DENND1A: variants seen among roughly 807,000 people sequenced by gnomAD.
DENND1A encodes the protein DENN domain-containing protein 1A.
In DENND1A, 51 loss-of-function variants were observed where a neutral mutation model predicts 113.7. That is an observed-to-expected ratio of 0.45 (90% CI 0.36 to 0.57). DENND1A has a LOEUF of 0.57. Ranked by LOEUF, DENND1A falls within the 20% of genes least tolerant of loss-of-function variation. DENND1A has a pLI of 0.00. For missense variants in DENND1A, 1,258 were observed against 1,395.9 expected (o/e 0.90, Z 1.57); for synonymous variants, 565 against 570.8 (o/e 0.99, Z 0.14).
chr9:123,396,210 G>A (rs183012342), intron 21 of DENND1A, among the ~76,000 whole-genome samples: 78 of 152,316 alleles, frequency 5.1e-4, no homozygotes, highest in African/African-American at 1.5e-3. Flanking sequence ...CCCCAGCCAC[G>A]CTCCTGGAGA....
chr9:123,842,470 A>G (rs1263249043), intron 2 of DENND1A, among the ~76,000 whole-genome samples: 4 of 149,538 alleles, frequency 2.7e-5, no homozygotes, highest in Non-Finnish European at 4.5e-5. Flanking sequence ...GGTTTAGCAG[A>G]AAAAAAAAAG....
intron 2 of DENND1A, among the ~76,000 whole-genome samples, chr9:123,872,450 GGAGA>G (rs371153145): frequency 6.6e-6 from 1 of 152,082 alleles, no homozygotes; most frequent in Non-Finnish European, 1.5e-5. Flanking sequence ...ATGAATAATT[GGAGA>G]GAGTGAGGAA....
At chr9:123,514,698 T>A (rs540362016) in intron 13 of DENND1A, among the ~76,000 whole-genome samples, 2 of 152,346 alleles carry the variant, frequency 1.3e-5, no homozygotes, top group East Asian at 3.9e-4. Context: ...ACCATTGGTG[T>A]GAACCCACGG....
chr9:123,899,954 G>A (rs1272487576), intron 1 of DENND1A, among the ~76,000 whole-genome samples: 2 of 152,204 alleles, frequency 1.3e-5, no homozygotes. Context: ...ATCACTGTAA[G>A]AATAACTGAC....
chr9:123,794,195 G>A (rs990486651), intron 2 of DENND1A, among the ~76,000 whole-genome samples: 7 of 152,146 alleles, frequency 4.6e-5, no homozygotes, highest in South Asian at 4.1e-4. Context: ...CTAGGCTGGC[G>A]GAGAAGAATT....
intron 2 of DENND1A, among the ~76,000 whole-genome samples, chr9:123,847,156 T>TA (rs1360784127): frequency 6.6e-6 from 1 of 152,162 alleles, no homozygotes; most frequent in South Asian, 2.1e-4. Context: ...ATGGATGGTT[T>TA]TAAAAGCAAT....
At chr9:123,396,294 C>T (rs2043135452) in intron 21 of DENND1A, among the ~76,000 whole-genome samples, 1 of 152,208 alleles carries the variant, frequency 6.6e-6, no homozygotes, top group Non-Finnish European at 1.5e-5. Flanking sequence ...GCCTGGTGGG[C>T]CAGGAGGCTG....
chr9:123,784,997 C>T (rs772688398), intron 3 of DENND1A, among the ~76,000 whole-genome samples: 1 of 152,098 alleles, frequency 6.6e-6, no homozygotes, highest in Non-Finnish European at 1.5e-5. Context: ...ATTCACCCTT[C>T]TCTGGAAATG....
At chr9:123,893,534 C>A (rs1850245444) in intron 1 of DENND1A, among the ~76,000 whole-genome samples, 1 of 152,096 alleles carries the variant, frequency 6.6e-6, no homozygotes, top group African/African-American at 2.4e-5. Flanking sequence ...GTTAATCTTA[C>A]CATCAGGCCT....
chr9:123,919,490 T>A (rs1855825258), intron 1 of DENND1A, among the ~76,000 whole-genome samples: 1 of 151,430 alleles, frequency 6.6e-6, no homozygotes. Context: ...AAATTAAAAA[T>A]TAAATTTTTT....
At chr9:123,776,258 G>C (rs1830454063) in intron 3 of DENND1A, among the ~76,000 whole-genome samples, 1 of 152,130 alleles carries the variant, frequency 6.6e-6, no homozygotes, top group South Asian at 2.1e-4. Context: ...TATCTTAAAG[G>C]ACTGCCTGGT....
At chr9:123,402,521 C>G (rs772653617) in intron 21 of DENND1A, 2 of 534,708 alleles carry the variant, frequency 3.7e-6, no homozygotes, top group East Asian at 5.4e-5. Context: ...GGGGCCTCCC[C>G]CTTTCCACCC....
At chr9:123,572,848 T>C (rs979513210) in intron 12 of DENND1A, among the ~76,000 whole-genome samples, 1 of 152,160 alleles carries the variant, frequency 6.6e-6, no homozygotes, top group Non-Finnish European at 1.5e-5. Context: ...GCTTTTTATG[T>C]CCTAAGAAAT....
chr9:123,655,460 A>C (rs1272217698), intron 8 of DENND1A, among the ~76,000 whole-genome samples: 1 of 152,172 alleles, frequency 6.6e-6, no homozygotes, highest in Non-Finnish European at 1.5e-5. Context: ...AGCCAGATGA[A>C]GCAATTGATT....
intron 15 of DENND1A, among the ~76,000 whole-genome samples, chr9:123,455,870 C>T (rs2048079316): frequency 6.6e-6 from 1 of 152,208 alleles, no homozygotes. Flanking sequence ...CAAGCCCTCA[C>T]ATTACACAGC....
chr9:123,538,140 T>A (rs2055934298), intron 13 of DENND1A, among the ~76,000 whole-genome samples: 1 of 152,216 alleles, frequency 6.6e-6, no homozygotes, highest in Non-Finnish European at 1.5e-5. Context: ...TGTGTATTAT[T>A]TTTGGAGATT....
chr9:123,778,930 C>T (rs758463201), intron 3 of DENND1A, among the ~76,000 whole-genome samples: 14 of 152,246 alleles, frequency 9.2e-5, no homozygotes, highest in Non-Finnish European at 1.6e-4. Flanking sequence ...CAAATGCCTA[C>T]CGCATACAAA....
intron 20 of DENND1A, among the ~76,000 whole-genome samples, chr9:123,404,567 T>C (rs1442459289): frequency 7.3e-6 from 1 of 136,114 alleles, no homozygotes; most frequent in Non-Finnish European, 1.6e-5. Context: ...TGCCCACCCT[T>C]TGAGTTTCCA....
intron 5 of DENND1A, chr9:123,736,590 A>G (rs1029278074): frequency 6.6e-6 from 1 of 152,228 alleles, no homozygotes; most frequent in Non-Finnish European, 1.5e-5. Context: ...TTTTTTTAGA[A>G]ATACTGCCAT....
Sources: allele counts gnomAD v4.1 joint callset (sites outside exome capture counted in the v4.1 genomes callset), GRCh38; gene constraint gnomAD v4.1.1; transcripts MANE v1.5; gene names NCBI Gene and HGNC (gene_info 2026-07-23, HGNC 2026-07-21).